The following DST variants were observed in gnomAD, a reference collection of about 807,000 sequenced individuals.
The protein encoded by DST is bullous pemphigoid antigen.
A neutral mutation model predicts 875.2 loss-of-function variants in DST; 253 were observed. The ratio of observed to expected loss-of-function variants is 0.29; its 90% CI spans 0.26 to 0.32. The LOEUF (loss-of-function observed/expected upper bound fraction) is 0.32, where lower values mean the gene tolerates loss of function less well. Ranked by LOEUF, DST falls within the 10% of genes least tolerant of loss-of-function variation. The probability of loss-of-function intolerance (pLI) is 1.00; values close to 1 mark genes in which losing one functional copy is unlikely to be tolerated. For synonymous variants in DST, 3,124 were observed against 3,197.1 expected, an observed-to-expected ratio of 0.98 and a Z score of 0.77; for missense variants, 8,287 against 9,111.6, an observed-to-expected ratio of 0.91 and a Z score of 3.68.
intron 2 of DST, among the ~76,000 whole-genome samples, chr6:56,908,568 G>A (rs988609447): frequency 6.6e-6 from 1 of 152,136 alleles, no homozygotes; most frequent in African/African-American, 2.4e-5. Context: ...GTTAGTAAAT[G>A]TGCCACTGTC....
At chr6:56,681,785 A>G (rs2099158708) in intron 9 of DST, among the ~76,000 whole-genome samples, 1 of 152,160 alleles carries the variant, frequency 6.6e-6, no homozygotes. Context: ...GACACCTTGA[A>G]AATCTGCATT....
At chr6:56,931,992 A>C (rs1810536674) in intron 2 of DST, among the ~76,000 whole-genome samples, 1 of 152,112 alleles carries the variant, frequency 6.6e-6, no homozygotes, top group Non-Finnish European at 1.5e-5. Context: ...TTGAAATGTG[A>C]GGACAGGATT....
At chr6:56,785,204 T>C (rs903544439) in intron 4 of DST, among the ~76,000 whole-genome samples, 11 of 152,328 alleles carry the variant, frequency 7.2e-5, no homozygotes, top group African/African-American at 2.6e-4. Flanking sequence ...CATTATCAGA[T>C]CTCCAGCTGA....
intron 49 of DST, among the ~76,000 whole-genome samples, chr6:56,585,200 T>A (rs1177088824): frequency 9.9e-5 from 15 of 152,248 alleles, no homozygotes; most frequent in Non-Finnish European, 5.9e-5. Flanking sequence ...TCTGGTAGAA[T>A]TTGGCTGTGA....
chr6:56,891,111 T>G (rs1395167338), intron 3 of DST, among the ~76,000 whole-genome samples: 1 of 152,180 alleles, frequency 6.6e-6, no homozygotes, highest in East Asian at 1.9e-4. Flanking sequence ...CAAGCTCATA[T>G]ATGGCATTAA....
chr6:56,786,275 A>G (rs996794073), intron 4 of DST, among the ~76,000 whole-genome samples: 1 of 152,176 alleles, frequency 6.6e-6, no homozygotes, highest in African/African-American at 2.4e-5. Flanking sequence ...AGGTTCACCC[A>G]TTTCTTAGAT....
intron 86 of DST, 67 bp from the exon 87 acceptor site, chr6:56,487,340 A>G: frequency 1.5e-6 from 2 of 1,326,486 alleles, no homozygotes; most frequent in Non-Finnish European, 1.0e-6. Flanking sequence ...AGAGGCATTA[A>G]CAGAGGCATC....
chr6:56,605,802 A>T lies in DST; in HGVS notation c.8826T>A (p.Asp2942Glu). ...CAGAAGTTGAACTGATATTATTATT[A>T]TCATGTGAAATACTTGCAGGGCCAA... is the stretch of plus-strand genomic sequence containing the variant. ...KTFGPASISH[D>E]NNNISSTSEL... Residue 2942 changes from aspartate (D) to glutamate (E), a missense_variant, in exon 40 of 104, where the codon GAT becomes GAA. This residue lies in a region of DST where 3,138 missense variants were observed against 3,116.6 expected (regional missense o/e 1.01). Transcript: ENST00000680361. The T allele has an allele frequency of 6.2e-7, 1 of 1,612,496 alleles. No homozygotes were observed. The highest frequency in any genetic ancestry group is 8.5e-7 in the Non-Finnish European group (1 of 1,179,182).
chr6:56,472,308 A>G, intron 93 of DST, 86 bp from the exon 94 acceptor site: 9 of 1,172,004 alleles, frequency 7.7e-6, no homozygotes, highest in Non-Finnish European at 1.1e-5. Flanking sequence ...TCTAGCTAAG[A>G]CTGCATCAAC....
At chr6:56,789,812 T>C (rs367914962) in intron 4 of DST, among the ~76,000 whole-genome samples, 115 of 152,346 alleles carry the variant, frequency 7.5e-4, no homozygotes, top group African/African-American at 2.5e-3. Flanking sequence ...AGATATTCCA[T>C]TGTATGTACA....
At position 56,555,511 on chromosome 6, in the gene DST, G is replaced by A. The variant is rs745681662; in HGVS notation, c.14970C>T (p.Ala4990=). The change falls in exon 60 of 104, where the codon GCC becomes GCT. Residue 4990 remains alanine (A), a synonymous_variant. Coordinates refer to ENST00000680361, the MANE Select transcript of DST (RefSeq NM_001374736.1). ...PDAMNQQLET[A]QKMKQEIQQE... ...GCTGTATCTCCTGCTTCATTTTTTG[G>A]GCTGTTTCCAACTGTTGGTTCATAG... 2 of 1,613,754 alleles carry A rather than the reference G, an allele frequency of 1.2e-6. No homozygotes were observed. The highest frequency in any genetic ancestry group is 1.7e-6 in the Non-Finnish European group (2 of 1,179,852).
intron 2 of DST, among the ~76,000 whole-genome samples, chr6:56,947,640 T>C (rs755261255): frequency 5.9e-5 from 9 of 152,234 alleles, no homozygotes; most frequent in Non-Finnish European, 1.2e-4. Flanking sequence ...TGTCATGTAG[T>C]ATACACGAAT....
chr6:56,597,594 CA>C, intron 47 of DST, 145 bp downstream of exon 47: 1 of 745,644 alleles, frequency 1.3e-6, no homozygotes, highest in Middle Eastern at 3.0e-4. Context: ...TTAGAACTCT[CA>C]TAATAATTTA....
In DST at chr6:56,610,528, G is replaced by T. The variant is rs768721876; in HGVS notation, c.5182C>A (p.Gln1728Lys). 1.5e-4 allele frequency: 242 copies of T among 1,565,224 alleles called. No homozygotes were observed. The highest frequency in any genetic ancestry group is 2.0e-4 in the Non-Finnish European group (232 of 1,156,260). Residue 1728 changes from glutamine (Q) to lysine (K), a missense_variant, in exon 39 of 104, where the codon CAA becomes AAA. By Grantham distance (53) the Gln-to-Lys change is moderately conservative (BLOSUM62 1). Around this residue, in one of 10 missense-constraint regions of DST, gnomAD observed 3,138 missense variants for 3,116.6 expected, o/e 1.01. Coordinates refer to ENST00000680361, the MANE Select transcript of DST (RefSeq NM_001374736.1). ...TAACTTTCCTGAAGAGTTTTCACTT[G>T]TTTTTCCAATTCATTTCTTTCTTCA... Reference protein sequence around the residue: ...TDEERNELEKQVKTLQESYNL... With the variant: ...TDEERNELEKKVKTLQESYNL...
At chr6:56,528,763 T>G in intron 67 of DST, 78 bp downstream of exon 67, 1 of 1,094,304 alleles carries the variant, frequency 9.1e-7, no homozygotes, top group South Asian at 1.5e-5. Flanking sequence ...GTGTTTTGGT[T>G]TTTTCCCATC....
At chr6:56,916,744 T>C in intron 2 of DST, among the ~76,000 whole-genome samples, 1 of 133,802 alleles carries the variant, frequency 7.5e-6, no homozygotes, top group South Asian at 2.5e-4. Flanking sequence ...AGATCTTCTC[T>C]CTCTCTCTAT....
At position 56,645,991 on chromosome 6, in the gene DST, A is replaced by C. The variant is rs1269675803; in HGVS notation, c.1653T>G (p.Ile551Met). ...GCTTGATGCGTCCAAATTCTATCCA[A>C]ATCTTGAGAAAACAAAAAACTTTAA... ...KIKRLYKLLE[I>M]WIEFGRIKLL... The change falls in exon 15 of 104, where the codon ATT (isoleucine) becomes ATG (methionine). Residue 551 changes from isoleucine (I) to methionine (M), a missense_variant and splice_region_variant. Transcript: ENST00000680361. 10 of 1,607,838 alleles carry C rather than the reference A, an allele frequency of 6.2e-6. No homozygotes were observed. The highest frequency in any genetic ancestry group is 8.5e-6 in the Non-Finnish European group (10 of 1,178,512).
At chr6:56,752,869 G>A (rs942627387) in intron 4 of DST, among the ~76,000 whole-genome samples, 4 of 151,994 alleles carry the variant, frequency 2.6e-5, no homozygotes, top group Non-Finnish European at 5.9e-5. Context: ...TCAGCTCACC[G>A]CAACCTCTGC....
chr6:56,869,590 G>GA lies in DST; in HGVS notation c.418-17987dup, dbSNP rs777320715. ...GTCAAGCTTGTGGCTGGACAGAGAA[G>GA]AAAAAAAAAAAAAACTTCATAACCA... On this transcript the variant is annotated intron_variant, in intron 3 of 103. Coordinates refer to ENST00000680361, the MANE Select transcript of DST (RefSeq NM_001374736.1). Among the ~76,000 whole-genome samples the GA allele has an allele frequency of 7.0e-3, 938 of 133,826 alleles. 1 individual carries two copies. The highest frequency in any genetic ancestry group is 7.6e-3 in the Non-Finnish European group (473 of 62,046). The allele number at this position is 133,826 out of a possible 152,430, so 87.8% of individuals were successfully genotyped here. A position where few individuals can be genotyped will look rare whatever the true frequency, so the allele number is the denominator to read the frequency against.
Sources: allele counts gnomAD v4.1 joint callset (sites outside exome capture counted in the v4.1 genomes callset), GRCh38; gene constraint gnomAD v4.1.1; regional missense constraint gnomAD v4.1.1; transcripts MANE v1.5; gene names NCBI Gene and HGNC (gene_info 2026-07-23, HGNC 2026-07-21).